Variants in EDN3 observed in about 807,000 individuals in gnomAD.
The protein encoded by EDN3 is endothelin 3, also known as endothelin-3.
A neutral mutation model predicts 21.4 loss-of-function variants in EDN3; 9 were observed. The ratio of observed to expected loss-of-function variants is 0.42; its 90% CI spans 0.25 to 0.73. The LOEUF (loss-of-function observed/expected upper bound fraction) is 0.73. EDN3 is among the 30% of genes least tolerant of loss of function. The probability of loss-of-function intolerance (pLI) is 0.26; values close to 1 mark genes in which losing one functional copy is unlikely to be tolerated. For synonymous variants in EDN3, 133 were observed against 126.2 expected (o/e 1.05, Z -0.36); for missense variants, 327 against 309.4 (o/e 1.06, Z -0.43).
At chr20:59,315,101 A>AT (rs1990090380) in intron 2 of EDN3, among the ~76,000 whole-genome samples, 1 of 152,210 alleles carries the variant, frequency 6.6e-6, no homozygotes, top group South Asian at 2.1e-4. Flanking sequence ...GGTGATTGAC[A>AT]TTTTCCTCCC....
intron 4 of EDN3, chr20:59,323,847 C>G (rs1990690024): frequency 2.1e-6 from 1 of 481,870 alleles, no homozygotes; most frequent in African/African-American, 1.9e-5. Flanking sequence ...TTCTATGTCA[C>G]ATGTTCAAAA....
intron 2 of EDN3, among the ~76,000 whole-genome samples, chr20:59,317,223 GC>G (rs2146864549): frequency 6.6e-6 from 1 of 152,324 alleles, no homozygotes; most frequent in African/African-American, 2.4e-5. Context: ...AAATAGAAGT[GC>G]TCATGAGCTG....
At position 59,324,598 on chromosome 20, in the gene EDN3, ACCCC is replaced by A. The variant is rs11475273; in HGVS notation, c.*146_*149del. The A allele has an allele frequency of 1.7e-5, 15 of 867,742 alleles. No homozygotes were observed. The highest frequency in any genetic ancestry group is 2.5e-5 in the Non-Finnish European group (15 of 591,598). 53.8% of individuals were successfully genotyped at this position (867,742 alleles called of 1,614,324 possible). On this transcript the variant is annotated 3_prime_UTR_variant, in exon 5 of 5. Coordinates refer to ENST00000337938, the MANE Select transcript of EDN3 (RefSeq NM_207034.3). ...ACCCAAAGAGTCCCCACTTAACAAT[ACCCC>A]CCCCCCACGGCAAGAATGCCCAAAT...
rs11570291 is a variant in EDN3 at position 59,308,447 on chromosome 20, C to T, written c.365+6725C>T. 3.2e-3 allele frequency among the ~76,000 whole-genome samples: 494 copies of T among 152,296 alleles called. 1 individual carries two copies. Among genetic ancestry groups the T allele is most frequent in the African/African-American group, 0.011 (465 of 41,554 alleles). On this transcript the variant is annotated intron_variant, in intron 2 of 4. Transcript: ENST00000337938. ...TTAGAGAGGAATGGGGCCTGGGGCC[C>T]ACTCATCCAAATTGTCACGTGGAGG...
At chr20:59,311,026 C>T (rs1989770156) in intron 2 of EDN3, among the ~76,000 whole-genome samples, 1 of 152,070 alleles carries the variant, frequency 6.6e-6, no homozygotes, top group East Asian at 1.9e-4. Context: ...ATGTAATGCA[C>T]TATTTTCAGA....
At chr20:59,306,595 T>TAAAAAAAAAGA (rs1989434717) in intron 2 of EDN3, among the ~76,000 whole-genome samples, 1 of 62,454 alleles carries the variant, frequency 1.6e-5, no homozygotes, top group Non-Finnish European at 2.9e-5. Flanking sequence ...GCATAAAGAG[T>TAAAAAAAAAGA]AAAAAAAAAA....
In EDN3 at chr20:59,301,457, T is replaced by G; in HGVS notation, c.100T>G (p.Ser34Ala). Reference sequence around the variant, plus strand: ...TGGGGATGCTGGCAGGCGCGGCGTGTCCCAGGCCCCCACTGCAGCCAGATC... The same window carrying G: ...TGGGGATGCTGGCAGGCGCGGCGTGGCCCAGGCCCCCACTGCAGCCAGATC... ...QSGDAGRRGV[S>A]QAPTAARSEG... is the part of the protein sequence containing the mutation. The change falls in exon 2 of 5, where the codon TCC becomes GCC. Residue 34 changes from serine (S) to alanine (A), a missense_variant. Transcript: ENST00000337938. 1 of 1,613,206 alleles carries G rather than the reference T, an allele frequency of 6.2e-7. No individual in the cohort carries two copies.
chr20:59,324,473 C>A lies in EDN3; in HGVS notation c.*14C>A, dbSNP rs760163643. 5 of 1,614,014 alleles carry A rather than the reference C, an allele frequency of 3.1e-6. No individual in the cohort carries two copies. The highest frequency in any genetic ancestry group is 2.2e-5 in the East Asian group (1 of 44,874). ...GGAGCCCCTTAGGAGGACAGGCCTGCAGCATCCTGGTCTCGGGAGGCTTCT... is the reference window on the plus strand; with the variant it reads ...GGAGCCCCTTAGGAGGACAGGCCTGAAGCATCCTGGTCTCGGGAGGCTTCT... On this transcript the variant is annotated 3_prime_UTR_variant, in exon 5 of 5. Transcript: ENST00000337938.
chr20:59,322,729 C>T lies in EDN3; in HGVS notation c.588+312C>T, dbSNP rs1990626025. Among the ~76,000 whole-genome samples the T allele has an allele frequency of 6.6e-6, 1 of 152,178 alleles. No homozygotes were observed. Among genetic ancestry groups the T allele is most frequent in the African/African-American group, 2.4e-5 (1 of 41,426 alleles). ...GATGTCCTGCCTGGATTTCACCTGG[C>T]CTGGACAAAGCTAGTCAACCACCGC... On this transcript the variant is annotated intron_variant, in intron 4 of 4. Transcript: ENST00000337938. The surrounding 1 kb of genome is among the most constrained non-coding windows in gnomAD (Gnocchi z 4.1).
chr20:59,324,320 C>T lies in EDN3; in HGVS notation c.589-11C>T. On this transcript the variant is annotated splice_polypyrimidine_tract_variant and intron_variant, in intron 4 of 4. Transcript: ENST00000337938. Reference sequence around the variant, plus strand: ...TCTTTTTTTTTCTTTTGCCCCCTTTCCCCAAGACAGGTTGAAGTCAAGGAC... The same window carrying T: ...TCTTTTTTTTTCTTTTGCCCCCTTTTCCCAAGACAGGTTGAAGTCAAGGAC... The T allele has an allele frequency of 1.2e-6, 2 of 1,614,082 alleles. No individual in the cohort carries two copies. The highest frequency in any genetic ancestry group is 1.7e-4 in the Middle Eastern group (1 of 6,060).
At chr20:59,302,214 C>T (rs566628466) in intron 2 of EDN3, among the ~76,000 whole-genome samples, 85 of 152,172 alleles carry the variant, frequency 5.6e-4, no homozygotes, top group Non-Finnish European at 1.0e-3. Context: ...CTGCACAGTC[C>T]ACTCGGGGTA....
chr20:59,301,675 G>A lies in EDN3; in HGVS notation c.318G>A (p.Glu106=). The part of the protein sequence containing the change: ...RCTCFTYKDK[E]CVYYCHLDII... ...CGTGCTTCACCTACAAGGACAAGGA[G>A]TGTGTCTACTATTGCCACCTGGACA... Residue 106 remains glutamate (E), a synonymous_variant, in exon 2 of 5, where the codon GAG becomes GAA. Transcript: ENST00000337938. 3 of 1,614,244 alleles carry A rather than the reference G, an allele frequency of 1.9e-6. No homozygotes were observed. Among genetic ancestry groups the A allele is most frequent in the South Asian group, 1.1e-5 (1 of 91,084 alleles).
chr20:59,301,887 C>G (rs976100569), intron 2 of EDN3, among the ~76,000 whole-genome samples, 165 bp downstream of exon 2: 1 of 152,184 alleles, frequency 6.6e-6, no homozygotes, highest in Non-Finnish European at 1.5e-5. Context: ...CAGGTCTCTT[C>G]TGCAGGTCAG....
At chr20:59,303,299 G>C (rs2146821642) in intron 2 of EDN3, among the ~76,000 whole-genome samples, 1 of 152,304 alleles carries the variant, frequency 6.6e-6, no homozygotes, top group East Asian at 1.9e-4. Flanking sequence ...TAGAAGCTGT[G>C]AGTGTTGGGC....
Position 59,321,110 on chromosome 20 carries a change from T to A in EDN3, c.459T>A (p.His153Gln). ...TTCCAGGGAATCTGCAGCTCTCACA[T>A]CGGCCACACTTGCGCTGCGCTTGTG... ...GPLPGNLQLSHRPHLRCACVG... is the reference protein window; with the variant it reads ...GPLPGNLQLSQRPHLRCACVG... The change falls in exon 3 of 5, where the codon CAT becomes CAA. Residue 153 changes from histidine (H) to glutamine (Q), a missense_variant. By Grantham distance (24) the His-to-Gln change is conservative. Coordinates refer to ENST00000337938, the MANE Select transcript of EDN3 (RefSeq NM_207034.3). The A allele has an allele frequency of 6.2e-7, 1 of 1,614,170 alleles. No individual in the cohort carries two copies. The highest frequency in any genetic ancestry group is 8.5e-7 in the Non-Finnish European group (1 of 1,180,032).
chr20:59,311,554 T>G (rs952652524), intron 2 of EDN3, among the ~76,000 whole-genome samples: 1 of 151,684 alleles, frequency 6.6e-6, no homozygotes, highest in South Asian at 2.1e-4. Context: ...CTGGTGGGAG[T>G]GTCTTTTAGT....
Position 59,300,668 on chromosome 20 carries a change from C to G in EDN3, c.-145C>G. On this transcript the variant is annotated 5_prime_UTR_variant, in exon 1 of 5. Transcript: ENST00000337938. ...ATGACCGCCGCAGCCAACTCCTGGC[C>G]GGAGCTGGAGACGCAGCGAGCGATC... 1.3e-6 allele frequency: 1 copy of G among 760,122 alleles called. No homozygotes were observed. Among genetic ancestry groups the G allele is most frequent in the East Asian group, 2.7e-5 (1 of 36,858 alleles). 47.1% of individuals were successfully genotyped at this position (760,122 alleles called of 1,614,324 possible). A position where few individuals can be genotyped will look rare whatever the true frequency, so the allele number is the denominator to read the frequency against.
rs186556993 is a variant in EDN3 at position 59,322,290 on chromosome 20, A to C, written c.543-82A>C. 7.7e-5 allele frequency: 114 copies of C among 1,489,954 alleles called. No individual in the cohort carries two copies. In the East Asian group the frequency reaches 2.1e-3, roughly 28 times the overall value. 92.3% of individuals were successfully genotyped at this position (1,489,954 alleles called of 1,614,324 possible). On this transcript the variant is annotated intron_variant, in intron 3 of 4. Transcript: ENST00000337938. This position sits in a 1 kb window ranked among gnomAD's most constrained non-coding sequence, Gnocchi z 4.1. ...GCACTAATGTGCTCATTGGTGGGGA[A>C]GAGGAAGTCATAATTTGACACCGAA...
rs113066222 is a variant in EDN3 at position 59,316,569 on chromosome 20, C to T, written c.366-4448C>T. Among the ~76,000 whole-genome samples, 97 of 152,282 alleles carry T rather than the reference C, an allele frequency of 6.4e-4. 1 individual carries two copies. The highest frequency in any genetic ancestry group is 3.4e-3 in the Middle Eastern group (1 of 294). The stretch of plus-strand genomic sequence containing the variant: ...TTAATTCATTCATGAAAAGGCAACA[C>T]GGAACTTAAAAACAGAATCTTTAAA... On this transcript the variant is annotated intron_variant, in intron 2 of 4. Coordinates refer to ENST00000337938, the MANE Select transcript of EDN3 (RefSeq NM_207034.3).
Sources: allele counts gnomAD v4.1 joint callset (sites outside exome capture counted in the v4.1 genomes callset), GRCh38; gene constraint gnomAD v4.1.1; non-coding constraint Gnocchi (gnomAD v3.1); transcripts MANE v1.5; gene names NCBI Gene and HGNC (gene_info 2026-07-23, HGNC 2026-07-21).